The following NCAPG variants were observed in gnomAD, a reference collection of about 807,000 sequenced individuals.
NCAPG encodes the protein condensin complex subunit 3.
Under a neutral mutation model 113.1 loss-of-function variants are expected in NCAPG, and 69 were observed. The ratio of observed to expected loss-of-function variants is 0.61; its 90% CI spans 0.50 to 0.75. NCAPG has a LOEUF of 0.75. Ranked by LOEUF, NCAPG falls within the 30% of genes least tolerant of loss-of-function variation. NCAPG has a pLI of 0.00. For missense variants in NCAPG, 1,058 were observed against 1,177.0 expected (o/e 0.90, Z 1.48); for synonymous variants, 370 against 415.8 (o/e 0.89, Z 1.34).
chr4:17,827,257 A>T (rs1721688585), intron 11 of NCAPG, among the ~76,000 whole-genome samples: 1 of 152,264 alleles, frequency 6.6e-6, no homozygotes, highest in African/African-American at 2.4e-5. Flanking sequence ...GCTTTGCGTA[A>T]GCAATATTAA....
rs1261515705 is a variant in NCAPG, at chr4:17,839,754, G to C, written c.2545G>C (p.Val849Leu). The C allele has an allele frequency of 6.3e-7, 1 of 1,585,480 alleles. No individual in the cohort carries two copies. Residue 849 changes from valine to leucine, a missense_variant, in exon 17 of 21, where the codon GTC (valine) becomes CTC (leucine). Physicochemically the swap from Val to Leu is conservative, Grantham distance 32 (BLOSUM62 1). Coordinates refer to ENST00000251496, the MANE Select transcript of NCAPG (RefSeq NM_022346.5). ...AAGTCCGTGCTCGCCAGAAATTCGAGTCTATACAAAAGCCTTGAGTTCTTT... is the reference window on the plus strand; with the variant it reads ...AAGTCCGTGCTCGCCAGAAATTCGACTCTATACAAAAGCCTTGAGTTCTTT... ...LTSPCSPEIR[V>L]YTKALSSLEL...
intron 15 of NCAPG, 99 bp downstream of exon 15, chr4:17,837,439 T>C (rs1260641555): frequency 2.3e-6 from 3 of 1,288,032 alleles, no homozygotes; most frequent in Non-Finnish European, 3.2e-6. Context: ...TGATACTTTT[T>C]CTGTCTTTAG....
chr4:17,827,951 G>A (rs1721717889), intron 11 of NCAPG, among the ~76,000 whole-genome samples: 1 of 151,850 alleles, frequency 6.6e-6, no homozygotes, highest in Non-Finnish European at 1.5e-5. Context: ...GACCACAGGT[G>A]TGCACCACCA....
chr4:17,815,165 G>A (rs1182598567), intron 4 of NCAPG, 109 bp from the exon 5 acceptor site: 20 of 1,236,976 alleles, frequency 1.6e-5, no homozygotes, highest in Non-Finnish European at 2.0e-5. Flanking sequence ...ATGTTACCAG[G>A]TATTAATTTC....
rs1721547693 is a variant in NCAPG, at chr4:17,823,712, C to A, written c.1325C>A (p.Ser442Tyr). The A allele has an allele frequency of 6.2e-7, 1 of 1,607,224 alleles. No individual in the cohort carries two copies. The highest frequency in any genetic ancestry group is 8.5e-7 in the Non-Finnish European group (1 of 1,174,182). ...CCCACAATCCCAATATCCCTGGTTT[C>A]TTTTCTTGTTGAAAGACTACTCCAC... The part of the protein sequence containing the change: ...ILPTIPISLV[S>Y]FLVERLLHII... The change falls in exon 9 of 21, where the codon TCT becomes TAT. Residue 442 changes from serine to tyrosine, a missense_variant. Coordinates refer to ENST00000251496, the MANE Select transcript of NCAPG (RefSeq NM_022346.5).
At chr4:17,835,673 T>A (rs186078189) in intron 14 of NCAPG, among the ~76,000 whole-genome samples, 1 of 152,306 alleles carries the variant, frequency 6.6e-6, no homozygotes, top group Non-Finnish European at 1.5e-5. Flanking sequence ...CCGCAGTCTG[T>A]TTCTATGGAT....
At chr4:17,817,069 T>C (rs1721238497) in intron 5 of NCAPG, among the ~76,000 whole-genome samples, 192 bp from the exon 6 acceptor site, 1 of 152,156 alleles carries the variant, frequency 6.6e-6, no homozygotes, top group African/African-American at 2.4e-5. Flanking sequence ...ACCAAGATCG[T>C]GCCACTGCAC....
At chr4:17,817,518 T>G in intron 6 of NCAPG, 65 bp downstream of exon 6, 5 of 1,310,626 alleles carry the variant, frequency 3.8e-6, no homozygotes, top group Non-Finnish European at 4.3e-6. Context: ...TTTGTTTTTT[T>G]TCCTCCCCAT....
intron 11 of NCAPG, among the ~76,000 whole-genome samples, chr4:17,826,403 A>G (rs1326252079): frequency 6.6e-6 from 1 of 152,128 alleles, no homozygotes. Context: ...CTCTTTAGCC[A>G]TAGACATCCC....
rs569778756 is a variant in NCAPG, at chr4:17,826,020, C to G, written c.1653+459C>G. Among the ~76,000 whole-genome samples the G allele has an allele frequency of 5.3e-5, 8 of 152,006 alleles. No homozygotes were observed. In the East Asian group the frequency reaches 1.5e-3, roughly 29 times the overall value. ...ACTTTTGTGTTTTTAGAAAAAGCTA[C>G]GCAGCTTTGTTATTTTTAATGAAAT... On this transcript the variant is annotated intron_variant, in intron 11 of 20. Transcript: ENST00000251496.
chr4:17,821,721 C>T (rs1721464105), intron 7 of NCAPG, among the ~76,000 whole-genome samples: 1 of 152,000 alleles, frequency 6.6e-6, no homozygotes, highest in African/African-American at 2.4e-5. Flanking sequence ...GCCTCAACCC[C>T]CCGAAGTGGT....
chr4:17,823,646 G>GA lies in NCAPG; in HGVS notation c.1266dup (p.Leu423ThrfsTer24). 2 of 1,604,124 alleles carry GA rather than the reference G, an allele frequency of 1.2e-6. No homozygotes were observed. Among genetic ancestry groups the GA allele is most frequent in the Non-Finnish European group, 1.7e-6 (2 of 1,175,532 alleles). On this transcript the variant is annotated frameshift_variant and splice_region_variant. Coordinates refer to ENST00000251496, the MANE Select transcript of NCAPG (RefSeq NM_022346.5). LOFTEE classifies it high-confidence loss of function. Reference sequence around the variant, plus strand: ...TTTAAATTAGTTCTTTTTGACTGCAGAAAAAAACTGCTGGCTGTTTTACAG... The same window carrying GA: ...TTTAAATTAGTTCTTTTTGACTGCAGAAAAAAAACTGCTGGCTGTTTTACAG...
At chr4:17,834,255 GTT>G (rs756186194) in intron 13 of NCAPG, 42 bp from the exon 14 acceptor site, 5 of 1,283,616 alleles carry the variant, frequency 3.9e-6, no homozygotes, top group Non-Finnish European at 5.3e-6. Context: ...AAACAAAACA[GTT>G]TACTGAATTT....
intron 14 of NCAPG, among the ~76,000 whole-genome samples, chr4:17,835,192 G>A (rs1722044921): frequency 6.6e-6 from 1 of 152,192 alleles, no homozygotes; most frequent in Admixed American, 6.5e-5. Flanking sequence ...CATTGAGTTA[G>A]AAGTGATATA....
chr4:17,823,242 GTTTTC>G (rs1343233304), intron 8 of NCAPG, 119 bp downstream of exon 8: 14 of 957,504 alleles, frequency 1.5e-5, no homozygotes, highest in African/African-American at 3.5e-5. Context: ...GGTATAAAAA[GTTTTC>G]TTTTCCCTTC....
Position 17,839,835 on chromosome 4 carries a change from G to C in NCAPG, c.2626G>C (p.Glu876Gln). 1 of 1,578,648 alleles carries C rather than the reference G, an allele frequency of 6.3e-7. No homozygotes were observed. Among genetic ancestry groups the C allele is most frequent in the Non-Finnish European group, 8.5e-7 (1 of 1,171,440 alleles). ...DLLVLLNEILEQVKDRTCLRA... is the reference protein window; with the variant it reads ...DLLVLLNEILQQVKDRTCLRA... The stretch of plus-strand genomic sequence containing the variant: ...TCTGGTTCTATTGAATGAGATTCTG[G>C]AGGTAAAGTAGTTTCTCATTACTCT... The change falls in exon 17 of 21, where the codon GAG (glutamate) becomes CAG (glutamine). Residue 876 changes from glutamate (E) to glutamine (Q), a missense_variant and splice_region_variant. Transcript: ENST00000251496.
In NCAPG at chr4:17,840,686, T is replaced by C; in HGVS notation, c.2847T>C (p.Thr949=). 1.3e-6 allele frequency: 2 copies of C among 1,534,250 alleles called. No homozygotes were observed. The highest frequency in any genetic ancestry group is 2.4e-5 in the East Asian group (1 of 41,824). ...TQASKSTQLK[T]NRGQRKVTVS... ...CATCAAAGTCTACTCAGCTAAAGAC[T>C]AACAGAGGTAGTGTGTGGATTGACC... is the stretch of plus-strand genomic sequence containing the variant. The change falls in exon 19 of 21, where the codon ACT becomes ACC. Residue 949 remains threonine (T), a synonymous_variant. Coordinates refer to ENST00000251496, the MANE Select transcript of NCAPG (RefSeq NM_022346.5).
intron 10 of NCAPG, 128 bp downstream of exon 10, chr4:17,825,185 A>T (rs761475533): frequency 2.2e-5 from 18 of 801,086 alleles, no homozygotes; most frequent in Non-Finnish European, 3.3e-5. Flanking sequence ...GTTAAACTAT[A>T]AGAATATTTA....
At chr4:17,822,418 C>T (rs111761421) in intron 7 of NCAPG, among the ~76,000 whole-genome samples, 3,339 of 151,976 alleles carry the variant, frequency 0.022, 129 homozygotes, top group African/African-American at 0.076. Flanking sequence ...TCTCGAACTC[C>T]TGACCTTGTG....
Sources: gnomAD v4.1 joint callset for allele counts (sites outside exome capture counted in the v4.1 genomes callset) on GRCh38, gnomAD v4.1.1 for gene constraint, MANE v1.5 for transcripts, NCBI Gene and HGNC (gene_info 2026-07-23, HGNC 2026-07-21) for gene names.